POTEJ: variants seen among roughly 807,000 people sequenced by gnomAD.
POTEJ encodes the protein POTE ankyrin domain family, member J.
POTEJ carries 11 observed loss-of-function variants against 69.0 expected under a neutral mutation model. That is an observed-to-expected ratio of 0.16 (90% CI 0.10 to 0.26). The LOEUF (loss-of-function observed/expected upper bound fraction) is 0.26, where lower values mean the gene tolerates loss of function less well. POTEJ is among the 10% of genes least tolerant of loss of function. The pLI is 1.00. For missense variants in POTEJ, 327 were observed against 1,045.5 expected, an observed-to-expected ratio of 0.31 and a Z score of 9.48; for synonymous variants, 117 against 381.1, an observed-to-expected ratio of 0.31 and a Z score of 8.07.
chr2:130,643,585 A>G (rs1175116447), intron 10 of POTEJ, among the ~76,000 whole-genome samples: 1 of 145,182 alleles, frequency 6.9e-6, no homozygotes, highest in Non-Finnish European at 1.5e-5. Context: ...TTTAGATATT[A>G]GGAAGATGTT....
chr2:130,644,522 T>A (rs1487456408), intron 11 of POTEJ, among the ~76,000 whole-genome samples: 1 of 152,266 alleles, frequency 6.6e-6, no homozygotes, highest in African/African-American at 2.4e-5. Flanking sequence ...TGTAATAAAA[T>A]CAGCAACCTT....
rs1470936574 is a variant in POTEJ at position 130,611,688 on chromosome 2, C to T, written c.156C>T (p.Ser52=). Residue 52 remains serine (S), a synonymous_variant, in exon 1 of 15, where the codon TCC becomes TCT. Coordinates refer to ENST00000409602, the MANE Select transcript of POTEJ (RefSeq NM_001277083.2). ...GCACTTCTGGAGACCAGGACGACTCCACTATGAAGACACTCAGGAGCAAGA... is the reference window on the plus strand; with the variant it reads ...GCACTTCTGGAGACCAGGACGACTCTACTATGAAGACACTCAGGAGCAAGA... ...NVGTSGDQDD[S]TMKTLRSKMG... is the part of the protein sequence containing the mutation. 8.8e-6 allele frequency: 13 copies of T among 1,478,524 alleles called. No individual in the cohort carries two copies. The East Asian group carries it at 2.5e-4, about 28-fold the overall frequency. The allele number at this position is 1,478,524 out of a possible 1,614,324, so 91.6% of individuals were successfully genotyped here.
chr2:130,634,124 A>G (rs1251261990), intron 9 of POTEJ, among the ~76,000 whole-genome samples: 2 of 152,208 alleles, frequency 1.3e-5, no homozygotes, highest in East Asian at 1.9e-4. Flanking sequence ...TGTGTTCCAA[A>G]ATACTTGACT....
chr2:130,631,157 A>G (rs1250590379), intron 7 of POTEJ, among the ~76,000 whole-genome samples: 37 of 148,666 alleles, frequency 2.5e-4, no homozygotes, highest in South Asian at 1.1e-3. Flanking sequence ...TCCTTGGGCT[A>G]AGGTGAATTA....
chr2:130,646,459 A>G, intron 13 of POTEJ, 149 bp downstream of exon 13: 2 of 920,694 alleles, frequency 2.2e-6, no homozygotes, highest in Non-Finnish European at 1.5e-6. Flanking sequence ...TCAGCAAACA[A>G]TCAGTTACCG....
intron 13 of POTEJ, among the ~76,000 whole-genome samples, chr2:130,649,158 TTTCC>T (rs1686707206): frequency 6.7e-6 from 1 of 148,980 alleles, no homozygotes; most frequent in Non-Finnish European, 1.5e-5. Context: ...CTTAGATCTC[TTTCC>T]TTAATTCCAG....
chr2:130,623,940 G>T (rs1171026606), intron 5 of POTEJ, 124 bp from the exon 6 acceptor site: 1 of 663,510 alleles, frequency 1.5e-6, no homozygotes, highest in Non-Finnish European at 2.4e-6. Flanking sequence ...TAAGTGGATG[G>T]GATAATACTA....
chr2:130,643,396 G>C (rs1686464579), intron 10 of POTEJ, among the ~76,000 whole-genome samples: 1 of 132,396 alleles, frequency 7.6e-6, no homozygotes, highest in Non-Finnish European at 1.7e-5. Context: ...GTGCTTGCCT[G>C]TAATCACAGT....
At chr2:130,613,384 G>GTATATATA (rs753097212) in intron 1 of POTEJ, among the ~76,000 whole-genome samples, 80 of 83,504 alleles carry the variant, frequency 9.6e-4, no homozygotes, top group South Asian at 3.1e-3. Flanking sequence ...GTGTGTGTGT[G>GTATATATA]TATATATATA....
chr2:130,629,186 G>T (rs1231833213), intron 6 of POTEJ, among the ~76,000 whole-genome samples: 2 of 147,052 alleles, frequency 1.4e-5, no homozygotes, highest in East Asian at 1.9e-4. Flanking sequence ...GAGACCAAGT[G>T]GGTGAAACAG....
rs768033735 is a variant in POTEJ, at chr2:130,657,179, A to T, written c.2419A>T (p.Thr807Ser). The T allele has an allele frequency of 6.6e-7, 1 of 1,520,392 alleles. No individual in the cohort carries two copies. The highest frequency in any genetic ancestry group is 1.1e-5 in the South Asian group (1 of 89,840). The allele number at this position is 1,520,392 out of a possible 1,614,324, so 94.2% of individuals were successfully genotyped here. A position where few individuals can be genotyped will look rare whatever the true frequency, so the allele number is the denominator to read the frequency against. ...VAIQAMLSLY[T>S]SGRTTGIVMD... ...CATCCAGGCCATGCTGTCCCTGTAC[A>T]CCTCTGGCCGTACTACTGGCATCGT... The change falls in exon 15 of 15, where the codon ACC (threonine) becomes TCC (serine). Residue 807 changes from threonine (T) to serine (S), a missense_variant. Coordinates refer to ENST00000409602, the MANE Select transcript of POTEJ (RefSeq NM_001277083.2).
At chr2:130,624,642 T>C (rs959752793) in intron 6 of POTEJ, among the ~76,000 whole-genome samples, 2 of 151,994 alleles carry the variant, frequency 1.3e-5, no homozygotes, top group African/African-American at 4.9e-5. Flanking sequence ...TGGTTCATAA[T>C]AGTCCATGGA....
chr2:130,648,330 T>G (rs1396872105), intron 13 of POTEJ, among the ~76,000 whole-genome samples: 1 of 145,126 alleles, frequency 6.9e-6, no homozygotes, highest in Admixed American at 6.8e-5. Flanking sequence ...ATTTGGAAGC[T>G]ACTATTTCTT....
rs527624295 is a variant in POTEJ at position 130,626,725 on chromosome 2, A to G, written c.1015+2591A>G. On this transcript the variant is annotated intron_variant, in intron 6 of 14. Coordinates refer to ENST00000409602, the MANE Select transcript of POTEJ (RefSeq NM_001277083.2). ...AGTAGTCAGCTATAGTTTCCTTGTC[A>G]TACATCCTTGGAGTAGCATCAATGT... 1.5e-3 allele frequency among the ~76,000 whole-genome samples: 221 copies of G among 152,252 alleles called. 3 individuals carry two copies. The highest frequency in any genetic ancestry group is 4.7e-3 in the African/African-American group (195 of 41,456).
At chr2:130,619,902 A>G (rs1685490138) in intron 3 of POTEJ, 143 bp from the exon 4 acceptor site, 1 of 1,197,712 alleles carries the variant, frequency 8.3e-7, no homozygotes, top group Non-Finnish European at 1.2e-6. Context: ...GTGGGAAAGC[A>G]CAGAAGAGTG....
intron 1 of POTEJ, among the ~76,000 whole-genome samples, chr2:130,613,342 A>G (rs1157606554): frequency 9.8e-5 from 13 of 132,200 alleles, no homozygotes; most frequent in Admixed American, 1.8e-4. Flanking sequence ...ATATACATAT[A>G]TATGTGTGTG....
At chr2:130,629,646 A>G (rs1237375473) in intron 6 of POTEJ, among the ~76,000 whole-genome samples, 1 of 149,904 alleles carries the variant, frequency 6.7e-6, no homozygotes, top group Non-Finnish European at 1.5e-5. Flanking sequence ...CTGCTTCACT[A>G]TTAGGAAGTG....
chr2:130,625,496 T>C (rs533711585), intron 6 of POTEJ, among the ~76,000 whole-genome samples: 138 of 151,878 alleles, frequency 9.1e-4, no homozygotes, highest in Non-Finnish European at 1.6e-3. Context: ...GCCAGACATA[T>C]GAGGAATGAA....
chr2:130,626,800 T>C (rs1180276393), intron 6 of POTEJ, among the ~76,000 whole-genome samples: 1 of 152,178 alleles, frequency 6.6e-6, no homozygotes, highest in Non-Finnish European at 1.5e-5. Context: ...GTTAGGAATC[T>C]CAACTACTTG....
Sources: allele counts gnomAD v4.1 joint callset (sites outside exome capture counted in the v4.1 genomes callset), GRCh38; gene constraint gnomAD v4.1.1; transcripts MANE v1.5; gene names NCBI Gene and HGNC (gene_info 2026-07-23, HGNC 2026-07-21).